The following GPD2 variants were observed in gnomAD, a reference collection of about 807,000 sequenced individuals.
The protein encoded by GPD2 is glycerol-3-phosphate dehydrogenase 2.
Under a neutral mutation model 82.4 loss-of-function variants are expected in GPD2, and 54 were observed. The ratio of observed to expected loss-of-function variants is 0.66; its 90% confidence interval spans 0.53 to 0.82. The LOEUF (loss-of-function observed/expected upper bound fraction) is 0.82. GPD2 is among the 40% of genes least tolerant of loss of function. The probability of loss-of-function intolerance (pLI) is 0.00; values close to 1 mark genes in which losing one functional copy is unlikely to be tolerated. For synonymous variants in GPD2, 288 were observed against 306.1 expected (o/e 0.94, Z 0.62); for missense variants, 748 against 896.2 (o/e 0.83, Z 2.11).
chr2:156,512,893 T>C (rs1035085523), intron 5 of GPD2, among the ~76,000 whole-genome samples: 4 of 152,204 alleles, frequency 2.6e-5, no homozygotes, highest in African/African-American at 9.6e-5. Context: ...CACATTAGTG[T>C]TGTAGGGGGC....
chr2:156,531,086 A>C (rs995236643), intron 6 of GPD2, among the ~76,000 whole-genome samples: 3 of 152,216 alleles, frequency 2.0e-5, no homozygotes, highest in Non-Finnish European at 4.4e-5. Context: ...AAGTGATGTA[A>C]ATATCTAGAT....
At chr2:156,574,545 C>T (rs1383331797) in intron 13 of GPD2, among the ~76,000 whole-genome samples, 1 of 151,708 alleles carries the variant, frequency 6.6e-6, no homozygotes, top group Admixed American at 6.6e-5. Context: ...CATTCAGAGA[C>T]TATAAAGAGA....
At chr2:156,453,319 G>T (rs1682680302) in intron 1 of GPD2, among the ~76,000 whole-genome samples, 1 of 152,202 alleles carries the variant, frequency 6.6e-6, no homozygotes. Flanking sequence ...CAGCTAGGCA[G>T]CAGGAGAAGT....
At position 156,451,183 on chromosome 2, in the gene GPD2, C is replaced by A. The variant is rs894147983; in HGVS notation, c.-9+14670C>A. ...CGTTCTCAATGAGCTGCTGGGCACA[C>A]CTCCCAGACGGGGTGGTGGCCGGGC... On this transcript the variant is annotated intron_variant, in intron 1 of 16. Coordinates refer to ENST00000438166, the MANE Select transcript of GPD2 (RefSeq NM_000408.5). 3.4e-3 allele frequency among the ~76,000 whole-genome samples: 511 copies of A among 152,180 alleles called. 10 individuals carry two copies. The highest frequency in any genetic ancestry group is 0.012 in the African/African-American group (491 of 41,560).
intron 6 of GPD2, among the ~76,000 whole-genome samples, chr2:156,527,462 T>C (rs1685656339): frequency 6.6e-6 from 1 of 152,104 alleles, no homozygotes; most frequent in Non-Finnish European, 1.5e-5. Context: ...CACTCAAGCA[T>C]GAACCACACA....
intron 13 of GPD2, among the ~76,000 whole-genome samples, chr2:156,571,517 T>C (rs1355135812): frequency 6.6e-6 from 1 of 152,152 alleles, no homozygotes; most frequent in African/African-American, 2.4e-5. Flanking sequence ...AAATTTGTGG[T>C]CATAATTCCT....
At chr2:156,453,193 G>C (rs1682675951) in intron 1 of GPD2, among the ~76,000 whole-genome samples, 1 of 152,162 alleles carries the variant, frequency 6.6e-6, no homozygotes, top group Non-Finnish European at 1.5e-5. Context: ...CAGGCAGATA[G>C]TTGGGTTTAA....
chr2:156,447,000 C>T (rs188334045), intron 1 of GPD2, among the ~76,000 whole-genome samples: 57 of 152,216 alleles, frequency 3.7e-4, no homozygotes, highest in Admixed American at 7.2e-4. Context: ...TGCTTTCCCC[C>T]GTACTCTGGA....
chr2:156,581,580 A>T lies in GPD2; in HGVS notation c.2059-1213A>T, dbSNP rs187795899. On this transcript the variant is annotated intron_variant, in intron 16 of 16. Coordinates refer to ENST00000438166, the MANE Select transcript of GPD2 (RefSeq NM_000408.5). ...TTTGAAGGGTTTTTTTAGTTTTTTT[A>T]AAATATTTTGCTCTTCTGCAGACTA... is the stretch of plus-strand genomic sequence containing the variant. 5.3e-5 allele frequency among the ~76,000 whole-genome samples: 8 copies of T among 152,240 alleles called. No homozygotes were observed. The East Asian group carries it at 9.6e-4, about 18-fold the overall frequency.
chr2:156,442,171 A>G (rs1020049737), intron 1 of GPD2, among the ~76,000 whole-genome samples: 1 of 152,210 alleles, frequency 6.6e-6, no homozygotes, highest in Non-Finnish European at 1.5e-5. Context: ...AAACCTGACA[A>G]GCTATGACAG....
chr2:156,506,258 A>G (rs1202611885), intron 3 of GPD2, among the ~76,000 whole-genome samples: 1 of 152,158 alleles, frequency 6.6e-6, no homozygotes, highest in African/African-American at 2.4e-5. Context: ...ATAACTTTGG[A>G]AACTAAAATT....
chr2:156,469,303 C>T (rs760201087), intron 1 of GPD2, among the ~76,000 whole-genome samples: 16 of 152,150 alleles, frequency 1.1e-4, no homozygotes, highest in Admixed American at 6.5e-4. Context: ...TCTGGGATTA[C>T]AGGCACCCAC....
chr2:156,531,027 T>C (rs1379290682), intron 6 of GPD2, among the ~76,000 whole-genome samples: 2 of 152,196 alleles, frequency 1.3e-5, no homozygotes, highest in Non-Finnish European at 2.9e-5. Context: ...GCATAAACAT[T>C]ATTAACACAA....
intron 5 of GPD2, 138 bp from the exon 6 acceptor site, chr2:156,513,195 G>T (rs1685064958): frequency 1.3e-6 from 1 of 741,342 alleles, no homozygotes; most frequent in Non-Finnish European, 2.5e-6. Flanking sequence ...AAAAACAGTT[G>T]CATAAGTCTG....
At chr2:156,459,556 C>T (rs548220595) in intron 1 of GPD2, among the ~76,000 whole-genome samples, 7 of 151,632 alleles carry the variant, frequency 4.6e-5, no homozygotes, top group Non-Finnish European at 8.8e-5. Flanking sequence ...GGCATGGTGG[C>T]GCATGCCTGT....
chr2:156,571,699 A>G (rs1687645506), intron 13 of GPD2, among the ~76,000 whole-genome samples: 1 of 151,992 alleles, frequency 6.6e-6, no homozygotes, highest in African/African-American at 2.4e-5. Flanking sequence ...TTGAGATTTT[A>G]TATTTATATT....
At chr2:156,535,713 A>G (rs1185672824) in intron 6 of GPD2, among the ~76,000 whole-genome samples, 1 of 152,232 alleles carries the variant, frequency 6.6e-6, no homozygotes, top group Non-Finnish European at 1.5e-5. Flanking sequence ...TGTTTTAAGA[A>G]TAATCTAGAT....
intron 1 of GPD2, among the ~76,000 whole-genome samples, chr2:156,451,046 G>T (rs1267722424): frequency 7.0e-6 from 1 of 143,496 alleles, no homozygotes; most frequent in East Asian, 2.1e-4. Context: ...AAAATGAAAA[G>T]TCTCCCATGT....
chr2:156,465,942 G>C (rs967507699), intron 1 of GPD2, among the ~76,000 whole-genome samples: 3 of 152,122 alleles, frequency 2.0e-5, no homozygotes, highest in African/African-American at 4.8e-5. Context: ...TTCATGCTAA[G>C]TCAACCATTT....
Sources: gnomAD v4.1 joint callset for allele counts (sites outside exome capture counted in the v4.1 genomes callset) on GRCh38, gnomAD v4.1.1 for gene constraint, MANE v1.5 for transcripts, NCBI Gene and HGNC (gene_info 2026-07-23, HGNC 2026-07-21) for gene names.